ARHGAP19: variants seen among roughly 807,000 people sequenced by gnomAD.
ARHGAP19 encodes the protein rho GTPase-activating protein 19.
Under a neutral mutation model 60.9 loss-of-function variants are expected in ARHGAP19, and 48 were observed. That is an observed-to-expected ratio of 0.79 (90% CI 0.62 to 1.00). ARHGAP19 has a LOEUF of 1.00. Among genes scored for constraint, ARHGAP19 ranks in the 50% least tolerant of loss-of-function variants. The probability of loss-of-function intolerance (pLI) is 0.00; values close to 1 mark genes in which losing one functional copy is unlikely to be tolerated. For missense variants in ARHGAP19, 562 were observed against 597.2 expected, an observed-to-expected ratio of 0.94 and a Z score of 0.61; for synonymous variants, 209 against 215.5, an observed-to-expected ratio of 0.97 and a Z score of 0.27.
intron 1 of ARHGAP19, among the ~76,000 whole-genome samples, chr10:97,278,825 A>C (rs987241522): frequency 4.1e-5 from 6 of 145,648 alleles, no homozygotes; most frequent in African/African-American, 1.0e-4. Context: ...AAAAAAAAAA[A>C]CTGCATCCTG....
In ARHGAP19 at chr10:97,289,742, T is replaced by C. The variant is rs370100914; in HGVS notation, c.56+2830A>G. 6.6e-5 allele frequency among the ~76,000 whole-genome samples: 10 copies of C among 151,422 alleles called. No homozygotes were observed. In the East Asian group the frequency reaches 7.8e-4, roughly 12 times the overall value. ...AGTGGCACGTGCCTGTAGTCCCAACTACTCAGGAGGCTGAGGAGGGAGGAC... is the reference window on the plus strand; with the variant it reads ...AGTGGCACGTGCCTGTAGTCCCAACCACTCAGGAGGCTGAGGAGGGAGGAC... On this transcript the variant is annotated intron_variant, in intron 1 of 11. Transcript: ENST00000358531.
intron 1 of ARHGAP19, among the ~76,000 whole-genome samples, chr10:97,284,907 A>G (rs1843134090): frequency 7.3e-6 from 1 of 136,808 alleles, no homozygotes; most frequent in Non-Finnish European, 1.5e-5. Flanking sequence ...TGTGTCGCCC[A>G]GGCTGGAGTG....
At chr10:97,255,413 A>G (rs1048115565) in intron 6 of ARHGAP19, among the ~76,000 whole-genome samples, 2 of 152,110 alleles carry the variant, frequency 1.3e-5, no homozygotes, top group African/African-American at 2.4e-5. Flanking sequence ...TGTCTCTACA[A>G]AAAAATACAA....
intron 1 of ARHGAP19, among the ~76,000 whole-genome samples, chr10:97,279,683 C>G (rs971011169): frequency 2.0e-5 from 3 of 152,062 alleles, no homozygotes; most frequent in Admixed American, 1.3e-4. Context: ...TTTGTAGACA[C>G]AAGTCTTTCT....
chr10:97,264,867 C>A lies in ARHGAP19; in HGVS notation c.362G>T (p.Gly121Val). 1 of 1,613,484 alleles carries A rather than the reference C, an allele frequency of 6.2e-7. No homozygotes were observed. The highest frequency in any genetic ancestry group is 8.5e-7 in the Non-Finnish European group (1 of 1,179,586). Residue 121 changes from glycine (G) to valine (V), a missense_variant, in exon 3 of 12, where the codon GGC becomes GTC. Coordinates refer to ENST00000358531, the MANE Select transcript of ARHGAP19 (RefSeq NM_032900.6). ...VIFGSPLTEE[G>V]IAQIYQLIEY... The stretch of plus-strand genomic sequence containing the variant: ...AATCAGTTGGTATATCTGGGCAATG[C>A]CTTCCTCCGTCAGTGGGGACCCAAA...
At chr10:97,270,759 A>G in intron 1 of ARHGAP19, 2 of 1,267,742 alleles carry the variant, frequency 1.6e-6, no homozygotes, top group Non-Finnish European at 2.1e-6. Context: ...AGGGCACATT[A>G]TGGGGCCTGA....
Position 97,265,945 on chromosome 10 carries a change from C to G in ARHGAP19, c.237G>C (p.Leu79=). 1 of 1,614,176 alleles carries G rather than the reference C, an allele frequency of 6.2e-7. No homozygotes were observed. Among genetic ancestry groups the G allele is most frequent in the South Asian group, 1.1e-5 (1 of 91,084 alleles). The change falls in exon 2 of 12, where the codon CTG becomes CTC. Residue 79 remains leucine, a synonymous_variant. Transcript: ENST00000358531. The part of the protein sequence containing the change: ...IDLPGTELAQ[L]MGEVDLKLPG... Reference sequence around the variant, plus strand: ...GCAACTTAAGGTCCACTTCCCCCATCAGCTGAGCCAACTCAGTTCCAGGTA... The same window carrying G: ...GCAACTTAAGGTCCACTTCCCCCATGAGCTGAGCCAACTCAGTTCCAGGTA...
At chr10:97,249,418 G>A (rs1274983122) in intron 6 of ARHGAP19, among the ~76,000 whole-genome samples, 2 of 152,204 alleles carry the variant, frequency 1.3e-5, no homozygotes, top group Non-Finnish European at 2.9e-5. Context: ...AACATCACCT[G>A]TGAAGTATCT....
At chr10:97,248,958 A>T (rs548481587) in intron 6 of ARHGAP19, among the ~76,000 whole-genome samples, 1 of 152,240 alleles carries the variant, frequency 6.6e-6, no homozygotes, top group East Asian at 1.9e-4. Flanking sequence ...CTGGGACCAC[A>T]GGAGTGTGCC....
intron 8 of ARHGAP19, among the ~76,000 whole-genome samples, chr10:97,240,842 T>C (rs1842467573): frequency 6.6e-6 from 1 of 152,210 alleles, no homozygotes; most frequent in Non-Finnish European, 1.5e-5. Flanking sequence ...CATATATTCA[T>C]GGAGAGAAAC....
At position 97,239,554 on chromosome 10, in the gene ARHGAP19, GTGTGTGTGT is replaced by G. The variant is rs1564713536; in HGVS notation, c.1186-4248_1186-4240del. Among the ~76,000 whole-genome samples the G allele has an allele frequency of 7.7e-3, 76 of 9,876 alleles. 2 individuals are homozygous for G. The highest frequency in any genetic ancestry group is 0.01 in the South Asian group (5 of 492). 6.5% of individuals were successfully genotyped at this position (9,876 alleles called of 152,430 possible). On this transcript the variant is annotated intron_variant, in intron 8 of 11. Coordinates refer to ENST00000358531, the MANE Select transcript of ARHGAP19 (RefSeq NM_032900.6). ...GGAGTGAGAGAGAGAGAGAGAGGGT[GTGTGTGTGT>G]GTGTGTGTGTGTGTGTGTGTGTGTG...
intron 8 of ARHGAP19, among the ~76,000 whole-genome samples, chr10:97,237,748 G>A (rs548255885): frequency 8.5e-5 from 13 of 152,112 alleles, no homozygotes; most frequent in Admixed American, 2.6e-4. Flanking sequence ...GTGGGCGCCT[G>A]TAATCCCAGC....
In ARHGAP19 at chr10:97,256,990, G is replaced by A. The variant is rs1168632539; in HGVS notation, c.841-586C>T. Among the ~76,000 whole-genome samples, 20 of 152,120 alleles carry A rather than the reference G, an allele frequency of 1.3e-4. No individual in the cohort carries two copies. In the East Asian group the frequency reaches 1.7e-3, roughly 13 times the overall value. ...CAAAAAATTAGCCGGGCGTGGTGGC[G>A]GGCGCCTGTAGTCCCAGCTACTCGG... On this transcript the variant is annotated intron_variant, in intron 5 of 11. Coordinates refer to ENST00000358531, the MANE Select transcript of ARHGAP19 (RefSeq NM_032900.6).
intron 8 of ARHGAP19, among the ~76,000 whole-genome samples, chr10:97,237,129 G>A (rs1394237409): frequency 6.6e-6 from 1 of 151,912 alleles, no homozygotes; most frequent in East Asian, 1.9e-4. Context: ...GCCAGGCATG[G>A]TGGCACATGC....
At chr10:97,290,664 C>T (rs1029140266) in intron 1 of ARHGAP19, among the ~76,000 whole-genome samples, 1 of 152,142 alleles carries the variant, frequency 6.6e-6, no homozygotes, top group Non-Finnish European at 1.5e-5. Flanking sequence ...CACGAAGGGG[C>T]ATCCAAAGCG....
At chr10:97,265,029 A>G in intron 2 of ARHGAP19, 123 bp from the exon 3 acceptor site, 1 of 723,000 alleles carries the variant, frequency 1.4e-6, no homozygotes, top group South Asian at 1.8e-5. Flanking sequence ...GTCAGTAAAC[A>G]AAAACCTTAG....
rs1312529173 is a variant in ARHGAP19 at position 97,224,889 on chromosome 10, C to T, written c.*1233G>A. The T allele has an allele frequency of 2.0e-5, 3 of 152,472 alleles. No individual in the cohort carries two copies. The highest frequency in any genetic ancestry group is 1.3e-4 in the Admixed American group (2 of 15,276). The allele number at this position is 152,472 out of a possible 1,614,324, so 9.4% of individuals were successfully genotyped here. A position where few individuals can be genotyped will look rare whatever the true frequency, so the allele number is the denominator to read the frequency against. ...AAAGCCAGAAGCTCTGGCCCCATCT[C>T]CAAATTACCACCTGTGTCCCTTCTG... is the stretch of plus-strand genomic sequence containing the variant. On this transcript the variant is annotated 3_prime_UTR_variant, in exon 12 of 12. Coordinates refer to ENST00000358531, the MANE Select transcript of ARHGAP19 (RefSeq NM_032900.6).
intron 6 of ARHGAP19, among the ~76,000 whole-genome samples, chr10:97,251,440 G>A (rs1191957236): frequency 6.6e-5 from 1 of 15,168 alleles, no homozygotes; most frequent in African/African-American, 2.8e-4. Context: ...GGGAAGGGGA[G>A]GAGACGGGGA....
chr10:97,253,117 G>A (rs188201656), intron 6 of ARHGAP19, among the ~76,000 whole-genome samples: 12 of 152,146 alleles, frequency 7.9e-5, no homozygotes, highest in Admixed American at 2.6e-4. Context: ...GGTTGGCTGC[G>A]GTGGCTCACA....
Sources: gnomAD v4.1 joint callset for allele counts (sites outside exome capture counted in the v4.1 genomes callset) on GRCh38, gnomAD v4.1.1 for gene constraint, MANE v1.5 for transcripts, NCBI Gene and HGNC (gene_info 2026-07-23, HGNC 2026-07-21) for gene names.